The following NEUROD4 variants were observed in gnomAD, a reference collection of about 807,000 sequenced individuals.
The protein encoded by NEUROD4 is neurogenic differentiation factor 4.
Under a neutral mutation model 19.8 loss-of-function variants are expected in NEUROD4, and 16 were observed. That is an observed-to-expected ratio of 0.81 (90% confidence interval 0.55 to 1.23). The LOEUF (loss-of-function observed/expected upper bound fraction) is 1.23, where lower values mean the gene tolerates loss of function less well. Ranked by LOEUF, NEUROD4 falls within the 50% of genes most tolerant of loss-of-function variation. The pLI is 0.00. For synonymous variants in NEUROD4, 153 were observed against 147.9 expected (o/e 1.03, Z -0.25); for missense variants, 439 against 398.6 (o/e 1.10, Z -0.86).
At chr12:55,026,330 A>G (rs1952728065) in intron 1 of NEUROD4, 101 bp from the exon 2 acceptor site, 1 of 1,003,142 alleles carries the variant, frequency 1.0e-6, no homozygotes, top group African/African-American at 1.6e-5. Flanking sequence ...CTGGTCATTT[A>G]GAATGGAAGA....
At chr12:55,026,345 G>T in intron 1 of NEUROD4, 86 bp from the exon 2 acceptor site, 1 of 1,179,632 alleles carries the variant, frequency 8.5e-7, no homozygotes, top group South Asian at 1.6e-5. Flanking sequence ...GGAAGACTTG[G>T]ACAAGATAAT....
chr12:55,025,157 A>G (rs1273180789), intron 1 of NEUROD4, among the ~76,000 whole-genome samples: 1 of 152,246 alleles, frequency 6.6e-6, no homozygotes, highest in Admixed American at 6.5e-5. Context: ...TGCTTAGCAA[A>G]CTTTAAAACA....
chr12:55,027,075 T>A lies in NEUROD4; in HGVS notation c.636T>A (p.Pro212=), dbSNP rs1478663195. ...FNYQSPGLPS[P]PYGHMETHLL... is the part of the protein sequence containing the mutation. The stretch of plus-strand genomic sequence containing the variant: ...ATCAGTCTCCGGGGCTTCCTAGCCC[T>A]CCTTATGGTCATATGGAAACACATC... Residue 212 remains proline, a synonymous_variant, in exon 2 of 2, where the codon CCT becomes CCA. Coordinates refer to ENST00000242994, the MANE Select transcript of NEUROD4 (RefSeq NM_021191.3). 2 of 1,613,990 alleles carry A rather than the reference T, an allele frequency of 1.2e-6. No homozygotes were observed. Among genetic ancestry groups the A allele is most frequent in the Non-Finnish European group, 1.7e-6 (2 of 1,180,002 alleles).
At position 55,026,690 on chromosome 12, in the gene NEUROD4, GA is replaced by G; in HGVS notation, c.252del (p.Arg84SerfsTer20). ...AAGATGACCAAAGCTCGCCTTGAGA[GA>G]TTCAGGGCTCGAAGAGTCAAGGCTA... is the stretch of plus-strand genomic sequence containing the variant. ...KKKMTKARLE[R>X]FRARRVKANA... On this transcript the variant is annotated frameshift_variant, in exon 2 of 2. Coordinates refer to ENST00000242994, the MANE Select transcript of NEUROD4 (RefSeq NM_021191.3). LOFTEE classifies it high-confidence loss of function. 6.2e-7 allele frequency: 1 copy of G among 1,614,150 alleles called. No individual in the cohort carries two copies. Among genetic ancestry groups the G allele is most frequent in the Non-Finnish European group, 8.5e-7 (1 of 1,180,014 alleles).
intron 1 of NEUROD4, among the ~76,000 whole-genome samples, chr12:55,020,934 T>A (rs1242509874): frequency 6.6e-6 from 1 of 152,138 alleles, no homozygotes; most frequent in Non-Finnish European, 1.5e-5. Context: ...TCCAAGTATA[T>A]TTTTCCTTTC....
At chr12:55,024,045 ACCTTCCTTCTTT>A (rs1404021543) in intron 1 of NEUROD4, among the ~76,000 whole-genome samples, 2 of 152,098 alleles carry the variant, frequency 1.3e-5, no homozygotes, top group Non-Finnish European at 2.9e-5. Flanking sequence ...CCTCTCTTGC[ACCTTCCTTCTTT>A]CCTTCCTTCT....
chr12:55,026,630 G>C lies in NEUROD4; in HGVS notation c.191G>C (p.Gly64Ala), dbSNP rs142138121. The change falls in exon 2 of 2, where the codon GGG becomes GCG. Residue 64 changes from glycine to alanine, a missense_variant. Transcript: ENST00000242994. Reference protein sequence around the residue: ...IEEEEEEEEDGEKPKRRGPKK... With the variant: ...IEEEEEEEEDAEKPKRRGPKK... ...GAAGAAGAAGAAGAGGAAGAAGATG[G>C]GGAGAAACCTAAGAGAAGGGGTCCC... is the stretch of plus-strand genomic sequence containing the variant. 6.2e-7 allele frequency: 1 copy of C among 1,613,674 alleles called. No individual in the cohort carries two copies. The highest frequency in any genetic ancestry group is 1.3e-5 in the African/African-American group (1 of 74,952).
chr12:55,022,684 G>A (rs577954035), intron 1 of NEUROD4, among the ~76,000 whole-genome samples: 258 of 152,208 alleles, frequency 1.7e-3, no homozygotes, highest in African/African-American at 6.0e-3. Context: ...GTGAAAGTTT[G>A]GGAGCTAACT....
At position 55,029,223 on chromosome 12, in the gene NEUROD4, T is replaced by C. The variant is rs1952767784; in HGVS notation, c.*1788T>C. 6.0e-6 allele frequency: 1 copy of C among 166,850 alleles called. No individual in the cohort carries two copies. Among genetic ancestry groups the C allele is most frequent in the Admixed American group, 6.5e-5 (1 of 15,276 alleles). The allele number at this position is 166,850 out of a possible 1,614,324, so 10.3% of individuals were successfully genotyped here. On this transcript the variant is annotated 3_prime_UTR_variant, in exon 2 of 2. Transcript: ENST00000242994. ...GCTCTCAGCACTTACCCTGCTGTAT[T>C]TTGCACCCTTGGTTTGTAAATTCAC...
chr12:55,021,520 C>G (rs1163424466), intron 1 of NEUROD4, among the ~76,000 whole-genome samples: 1 of 152,076 alleles, frequency 6.6e-6, no homozygotes, highest in Non-Finnish European at 1.5e-5. Flanking sequence ...TGAAATATCT[C>G]CACAATAAAT....
chr12:55,023,014 A>C (rs1300405574), intron 1 of NEUROD4, among the ~76,000 whole-genome samples: 3 of 152,262 alleles, frequency 2.0e-5, no homozygotes, highest in Non-Finnish European at 4.4e-5. Flanking sequence ...ACTATTCAAA[A>C]TGCTTCAAAT....
chr12:55,025,311 C>T (rs1952715608), intron 1 of NEUROD4, among the ~76,000 whole-genome samples: 2 of 152,132 alleles, frequency 1.3e-5, no homozygotes, highest in African/African-American at 2.4e-5. Flanking sequence ...CTGTGTTTGC[C>T]TGAAATAGTC....
intron 1 of NEUROD4, among the ~76,000 whole-genome samples, chr12:55,026,080 A>C (rs1037853011): frequency 6.6e-6 from 1 of 152,186 alleles, no homozygotes; most frequent in Non-Finnish European, 1.5e-5. Flanking sequence ...ACAGTAATTT[A>C]TATACTCACC....
Position 55,027,183 on chromosome 12 carries a change from T to C in NEUROD4, c.744T>C (p.Pro248=). The C allele has an allele frequency of 6.2e-7, 1 of 1,614,052 alleles. No individual in the cohort carries two copies. The highest frequency in any genetic ancestry group is 8.5e-7 in the Non-Finnish European group (1 of 1,179,962). Residue 248 remains proline, a synonymous_variant, in exon 2 of 2, where the codon CCT becomes CCC. Transcript: ENST00000242994. ...GSHLPDCSTP[P]YEGPLTPPLS... ...ATCTGCCTGACTGCAGTACACCCCC[T>C]TATGAGGGCCCACTCACTCCACCCC... is the stretch of plus-strand genomic sequence containing the variant.
Position 55,026,815 on chromosome 12 carries a change from A to T in NEUROD4, c.376A>T (p.Ile126Leu), listed in dbSNP as rs1952738493. 1 of 1,614,166 alleles carries T rather than the reference A, an allele frequency of 6.2e-7. No homozygotes were observed. The highest frequency in any genetic ancestry group is 1.1e-5 in the South Asian group (1 of 91,086). ...CTCTAAAACCCAAAAACTTTCCAAG[A>T]TAGAGACTCTTAGACTGGCCAGGAA... is the stretch of plus-strand genomic sequence containing the variant. ...CYSKTQKLSKIETLRLARNYI... is the reference protein window; with the variant it reads ...CYSKTQKLSKLETLRLARNYI... Residue 126 changes from isoleucine (I) to leucine (L), a missense_variant, in exon 2 of 2, where the codon ATA (isoleucine) becomes TTA (leucine). By Grantham distance (5) the Ile-to-Leu change is conservative. Transcript: ENST00000242994.
chr12:55,024,454 T>C (rs988220531), intron 1 of NEUROD4, among the ~76,000 whole-genome samples: 1 of 152,128 alleles, frequency 6.6e-6, no homozygotes, highest in Admixed American at 6.5e-5. Flanking sequence ...AAGAAACATA[T>C]GAATTAATGG....
rs1457596778 is a variant in NEUROD4, at chr12:55,020,012, G to C, written c.-311G>C. On this transcript the variant is annotated 5_prime_UTR_variant, in exon 1 of 2. Transcript: ENST00000242994. ...TGCCCAGAGGCTTGTGGTCCTGAAAGCTCCTCTCCGGGGAGCTAACCAGGG... is the reference window on the plus strand; with the variant it reads ...TGCCCAGAGGCTTGTGGTCCTGAAACCTCCTCTCCGGGGAGCTAACCAGGG... 6.6e-6 allele frequency: 1 copy of C among 152,270 alleles called. No homozygotes were observed. Among genetic ancestry groups the C allele is most frequent in the Non-Finnish European group, 1.5e-5 (1 of 68,118 alleles). 9.4% of individuals were successfully genotyped at this position (152,270 alleles called of 1,614,324 possible). A position where few individuals can be genotyped will look rare whatever the true frequency, so the allele number is the denominator to read the frequency against.
In NEUROD4 at chr12:55,029,353, A is replaced by G. The variant is rs1269031964; in HGVS notation, c.*1918A>G. 1 of 166,926 alleles carries G rather than the reference A, an allele frequency of 6.0e-6. No individual in the cohort carries two copies. Among genetic ancestry groups the G allele is most frequent in the Non-Finnish European group, 1.5e-5 (1 of 68,090 alleles). 10.3% of individuals were successfully genotyped at this position (166,926 alleles called of 1,614,324 possible). A position where few individuals can be genotyped will look rare whatever the true frequency, so the allele number is the denominator to read the frequency against. ...AAATAGGCAAGTAAAATGATATATA[A>G]AGCCATACTATGTGCTTTCTGAGTA... On this transcript the variant is annotated 3_prime_UTR_variant, in exon 2 of 2. Transcript: ENST00000242994.
chr12:55,022,406 T>C (rs1201197057), intron 1 of NEUROD4, among the ~76,000 whole-genome samples: 7 of 152,098 alleles, frequency 4.6e-5, no homozygotes, highest in African/African-American at 1.7e-4. Context: ...AACTAGATGT[T>C]TCTATTTTTT....
Sources: gnomAD v4.1 joint callset for allele counts (sites outside exome capture counted in the v4.1 genomes callset) on GRCh38, gnomAD v4.1.1 for gene constraint, MANE v1.5 for transcripts, NCBI Gene and HGNC (gene_info 2026-07-23, HGNC 2026-07-21) for gene names.